Variants in ANO10 observed in about 807,000 individuals in gnomAD.
ANO10 encodes anoctamin-10.
ANO10 carries 77 observed loss-of-function variants against 74.7 expected under a neutral mutation model. The observed-to-expected ratio is 1.03, with a 90% CI of 0.86 to 1.25. ANO10 has a LOEUF of 1.25. Among genes scored for constraint, ANO10 ranks in the 50% most tolerant of loss-of-function variants. The pLI is 0.00. For missense variants in ANO10, 721 were observed against 778.1 expected, an observed-to-expected ratio of 0.93 and a Z score of 0.87; for synonymous variants, 279 against 284.9, an observed-to-expected ratio of 0.98 and a Z score of 0.21.
In ANO10 at chr3:43,565,743, A is replaced by AC; in HGVS notation, c.1219-17_1219-16insG. 6.4e-7 allele frequency: 1 copy of AC among 1,554,318 alleles called. No homozygotes were observed. The highest frequency in any genetic ancestry group is 8.7e-7 in the Non-Finnish European group (1 of 1,148,584). On this transcript the variant is annotated splice_polypyrimidine_tract_variant and intron_variant, in intron 7 of 12. Coordinates refer to ENST00000292246, the MANE Select transcript of ANO10 (RefSeq NM_018075.5). ...GGAAGTTGAACTGCCAAAAAAAAAAAAAAAAAAGATAAGTGTTAAGCACTG... is the reference window on the plus strand; with the variant it reads ...GGAAGTTGAACTGCCAAAAAAAAAAACAAAAAAAGATAAGTGTTAAGCACTG...
chr3:43,388,221 A>G (rs1258327588), intron 12 of ANO10, among the ~76,000 whole-genome samples: 2 of 152,030 alleles, frequency 1.3e-5, no homozygotes, highest in African/African-American at 4.8e-5. Context: ...GTTCCTCCTG[A>G]GTGTGCAAGT....
chr3:43,579,162 T>G (rs889779190), intron 5 of ANO10, among the ~76,000 whole-genome samples: 17 of 152,114 alleles, frequency 1.1e-4, no homozygotes, highest in African/African-American at 3.9e-4. Context: ...ACTAAAATAT[T>G]TGAACATCCA....
intron 1 of ANO10, among the ~76,000 whole-genome samples, chr3:43,684,883 A>C (rs573866517): frequency 6.6e-6 from 1 of 152,178 alleles, no homozygotes; most frequent in Non-Finnish European, 1.5e-5. Flanking sequence ...TTTAACAATG[A>C]GAACACATGG....
At chr3:43,376,434 T>A (rs2091809397) in intron 12 of ANO10, among the ~76,000 whole-genome samples, 1 of 152,088 alleles carries the variant, frequency 6.6e-6, no homozygotes, top group Non-Finnish European at 1.5e-5. Context: ...AAAGTAGAGG[T>A]ATAATTATAA....
At chr3:43,578,349 T>C (rs1040639584) in intron 5 of ANO10, among the ~76,000 whole-genome samples, 2 of 152,152 alleles carry the variant, frequency 1.3e-5, no homozygotes, top group African/African-American at 2.4e-5. Context: ...GATCCACCTA[T>C]GTCCCAGATG....
At chr3:43,518,692 A>T (rs1179152796) in intron 11 of ANO10, among the ~76,000 whole-genome samples, 1 of 152,152 alleles carries the variant, frequency 6.6e-6, no homozygotes, top group Non-Finnish European at 1.5e-5. Context: ...TGTCTGTCTT[A>T]TATGTCGATA....
At chr3:43,574,245 C>G (rs540046959) in intron 7 of ANO10, among the ~76,000 whole-genome samples, 1 of 148,688 alleles carries the variant, frequency 6.7e-6, no homozygotes. Context: ...CATGTGCTAC[C>G]GTGTCTGGCC....
At chr3:43,644,650 T>A (rs2083708000) in intron 1 of ANO10, among the ~76,000 whole-genome samples, 1 of 152,234 alleles carries the variant, frequency 6.6e-6, no homozygotes, top group African/African-American at 2.4e-5. Flanking sequence ...ACTGTCACAC[T>A]GCCAGGAGAT....
At chr3:43,517,697 C>T (rs1214582970) in intron 11 of ANO10, among the ~76,000 whole-genome samples, 1 of 152,168 alleles carries the variant, frequency 6.6e-6, no homozygotes, top group Admixed American at 6.5e-5. Context: ...GTTCTTTAAG[C>T]TACCCAGTCT....
intron 12 of ANO10, chr3:43,424,444 C>T (rs1043549422): frequency 2.0e-5 from 3 of 152,204 alleles, no homozygotes; most frequent in African/African-American, 4.8e-5. Flanking sequence ...ACAAATTAGC[C>T]ACAAGACTTG....
At chr3:43,415,021 C>CTGCA (rs1010583791) in intron 12 of ANO10, among the ~76,000 whole-genome samples, 11 of 134,324 alleles carry the variant, frequency 8.2e-5, no homozygotes, top group Non-Finnish European at 1.4e-4. Flanking sequence ...GTCACCCAGG[C>CTGCA]TGCAGTGCAG....
chr3:43,677,654 T>C (rs2084140252), intron 1 of ANO10, among the ~76,000 whole-genome samples: 1 of 152,180 alleles, frequency 6.6e-6, no homozygotes, highest in Non-Finnish European at 1.5e-5. Flanking sequence ...CTCAGCTGCA[T>C]TCAGGTGGTG....
chr3:43,552,401 T>A lies in ANO10; in HGVS notation c.1669-2553A>T, dbSNP rs145400868. Among the ~76,000 whole-genome samples the A allele has an allele frequency of 7.9e-3, 1,206 of 151,996 alleles. 15 individuals carry two copies. Among genetic ancestry groups the A allele is most frequent in the African/African-American group, 0.026 (1,085 of 41,480 alleles). On this transcript the variant is annotated intron_variant, in intron 10 of 12. Transcript: ENST00000292246. ...ACAAAAAATAAAAAAATAAAAAAAA[T>A]TTTTTTCTACATATATTTAGAATCA...
At chr3:43,504,366 C>G (rs2077216138) in intron 11 of ANO10, among the ~76,000 whole-genome samples, 1 of 148,908 alleles carries the variant, frequency 6.7e-6, no homozygotes, top group Non-Finnish European at 1.5e-5. Context: ...CGTTGGGGAT[C>G]TAAAGTGTGA....
intron 1 of ANO10, among the ~76,000 whole-genome samples, chr3:43,675,682 A>AATCACTACACACCC (rs1455596819): frequency 6.6e-6 from 1 of 152,172 alleles, no homozygotes; most frequent in Non-Finnish European, 1.5e-5. Flanking sequence ...TTGTGACTTT[A>AATCACTACACACCC]ATCACTACAC....
intron 12 of ANO10, among the ~76,000 whole-genome samples, chr3:43,414,275 G>A (rs965326207): frequency 7.9e-5 from 12 of 152,210 alleles, no homozygotes; most frequent in East Asian, 7.7e-4. Context: ...AAAAGAAGAC[G>A]AAAATGGGGA....
chr3:43,506,382 A>T (rs1248588680), intron 11 of ANO10, among the ~76,000 whole-genome samples: 1 of 152,146 alleles, frequency 6.6e-6, no homozygotes, highest in Non-Finnish European at 1.5e-5. Context: ...CTCTGTCCTA[A>T]GCCATTGCCA....
At chr3:43,412,724 G>C (rs2092684435) in intron 12 of ANO10, among the ~76,000 whole-genome samples, 1 of 152,200 alleles carries the variant, frequency 6.6e-6, no homozygotes, top group South Asian at 2.1e-4. Flanking sequence ...CTCTATGGTA[G>C]AGCAATATAA....
intron 4 of ANO10, among the ~76,000 whole-genome samples, chr3:43,588,341 A>G (rs184050488): frequency 8.3e-4 from 126 of 152,280 alleles, no homozygotes; most frequent in African/African-American, 2.8e-3. Flanking sequence ...TTAAATTTGA[A>G]TTGACTATAT....
Sources: gnomAD v4.1 joint callset for allele counts (sites outside exome capture counted in the v4.1 genomes callset) on GRCh38, gnomAD v4.1.1 for gene constraint, MANE v1.5 for transcripts, NCBI Gene and HGNC (gene_info 2026-07-23, HGNC 2026-07-21) for gene names.